Variants in WDPCP observed in about 807,000 individuals in gnomAD.
WDPCP encodes WD repeat containing planar cell polarity effector, also known as WD repeat-containing and planar cell polarity effector protein fritz homolog.
A neutral mutation model predicts 93.1 loss-of-function variants in WDPCP; 71 were observed. That is an observed-to-expected ratio of 0.76 (90% CI 0.63 to 0.93). The LOEUF is 0.93. Among genes scored for constraint, WDPCP ranks in the 40% least tolerant of loss-of-function variants. WDPCP has a pLI of 0.00. For synonymous variants in WDPCP, 315 were observed against 315.0 expected, an observed-to-expected ratio of 1.00 and a Z score of 0.00; for missense variants, 844 against 887.4, an observed-to-expected ratio of 0.95 and a Z score of 0.62.
At chr2:63,356,999 A>G (rs1049798261) in intron 12 of WDPCP, among the ~76,000 whole-genome samples, 4 of 152,228 alleles carry the variant, frequency 2.6e-5, no homozygotes, top group Non-Finnish European at 5.9e-5. Context: ...AACCTCCAAC[A>G]AAGGACAAAT....
chr2:63,259,015 C>T (rs549043692), intron 14 of WDPCP, among the ~76,000 whole-genome samples: 2 of 152,242 alleles, frequency 1.3e-5, no homozygotes, highest in East Asian at 3.9e-4. Flanking sequence ...AGTAACAGCA[C>T]TATGATAATA....
At chr2:63,232,084 G>C (rs1678952133) in intron 14 of WDPCP, among the ~76,000 whole-genome samples, 1 of 152,158 alleles carries the variant, frequency 6.6e-6, no homozygotes, top group Non-Finnish European at 1.5e-5. Context: ...ATGGGGAAAG[G>C]ATTCCCTATT....
intron 14 of WDPCP, among the ~76,000 whole-genome samples, chr2:63,218,219 G>C (rs2104461206): frequency 6.6e-6 from 1 of 152,036 alleles, no homozygotes; most frequent in South Asian, 2.1e-4. Flanking sequence ...GTGAAGGAGG[G>C]GATTATGGGG....
At position 63,531,452 on chromosome 2, in the gene WDPCP, C is replaced by T. The variant is rs191103672; in HGVS notation, c.76-38512G>A. 2.4e-3 allele frequency among the ~76,000 whole-genome samples: 365 copies of T among 152,292 alleles called. 1 individual carries two copies. The highest frequency in any genetic ancestry group is 4.0e-3 in the Non-Finnish European group (271 of 68,016). On this transcript the variant is annotated intron_variant, in intron 1 of 17. Coordinates refer to ENST00000272321, the MANE Select transcript of WDPCP (RefSeq NM_015910.7). Reference sequence around the variant, plus strand: ...GACACCTCCCAGTAGGGCTGACAGACACCTCATACAGCTGGGTGCCCCTCT... The same window carrying T: ...GACACCTCCCAGTAGGGCTGACAGATACCTCATACAGCTGGGTGCCCCTCT...
At chr2:63,678,449 C>T (rs148578362) in intron 2 of WDPCP, among the ~76,000 whole-genome samples, 233 of 152,278 alleles carry the variant, frequency 1.5e-3, no homozygotes, top group Middle Eastern at 6.8e-3. Context: ...ATCTTTCCAG[C>T]CTCTAATGCA....
At chr2:63,504,892 C>T (rs1216384875) in intron 1 of WDPCP, among the ~76,000 whole-genome samples, 3 of 151,926 alleles carry the variant, frequency 2.0e-5, no homozygotes, top group East Asian at 1.9e-4. Flanking sequence ...AGAATCTTCC[C>T]ACTATTGCTT....
chr2:63,588,138 A>T, intron 1 of WDPCP, 59 bp downstream of exon 1: 1 of 1,540,680 alleles, frequency 6.5e-7, no homozygotes, highest in Non-Finnish European at 8.8e-7. Flanking sequence ...ACGGCGCACC[A>T]ACCGCATTCC....
intron 6 of WDPCP, among the ~76,000 whole-genome samples, chr2:63,471,334 G>C (rs1041445417): frequency 6.6e-6 from 1 of 152,240 alleles, no homozygotes; most frequent in Non-Finnish European, 1.5e-5. Context: ...AGAAGGCGAA[G>C]AGCAGAAGCG....
intron 15 of WDPCP, among the ~76,000 whole-genome samples, chr2:63,164,584 G>GCT (rs1244181347): frequency 2.6e-5 from 4 of 152,130 alleles, no homozygotes; most frequent in Admixed American, 2.6e-4. Context: ...CTGAGCAGAT[G>GCT]CTAGCATCAT....
chr2:63,635,509 A>G (rs1709911684), intron 3 of WDPCP, among the ~76,000 whole-genome samples: 2 of 152,208 alleles, frequency 1.3e-5, no homozygotes, highest in Admixed American at 6.5e-5. Context: ...GCACATTAAA[A>G]GAATCAAACA....
intron 12 of WDPCP, among the ~76,000 whole-genome samples, chr2:63,358,650 T>C (rs1690204317): frequency 6.6e-6 from 1 of 152,086 alleles, no homozygotes; most frequent in Admixed American, 6.5e-5. Context: ...AGAGATGGGG[T>C]CTCACTTTGT....
intron 9 of WDPCP, among the ~76,000 whole-genome samples, chr2:63,422,413 T>C (rs1460196722): frequency 6.6e-6 from 1 of 152,112 alleles, no homozygotes; most frequent in East Asian, 1.9e-4. Context: ...AAACAAAAGC[T>C]AACAGGGCAC....
chr2:63,487,547 A>G, intron 2 of WDPCP, 53 bp from the exon 3 acceptor site: 2 of 1,349,402 alleles, frequency 1.5e-6, no homozygotes, highest in Non-Finnish European at 2.1e-6. Flanking sequence ...CCCAGAGAAT[A>G]AGAAGCCAAG....
intron 12 of WDPCP, among the ~76,000 whole-genome samples, chr2:63,329,903 T>C (rs901813115): frequency 6.6e-6 from 1 of 152,206 alleles, no homozygotes; most frequent in Admixed American, 6.5e-5. Flanking sequence ...ATTCACATTG[T>C]TGTAAGTAAC....
intron 14 of WDPCP, among the ~76,000 whole-genome samples, chr2:63,191,710 C>T (rs1675058133): frequency 6.6e-6 from 1 of 152,160 alleles, no homozygotes; most frequent in Non-Finnish European, 1.5e-5. Flanking sequence ...CTAAAGGCAT[C>T]AAACTATAGA....
intron 14 of WDPCP, among the ~76,000 whole-genome samples, chr2:63,199,868 C>G (rs1675767321): frequency 6.6e-6 from 1 of 152,158 alleles, no homozygotes; most frequent in South Asian, 2.1e-4. Flanking sequence ...CTGGAAAAAC[C>G]ACAGGCACTC....
At chr2:63,205,964 T>C (rs547225938) in intron 14 of WDPCP, among the ~76,000 whole-genome samples, 1 of 152,338 alleles carries the variant, frequency 6.6e-6, no homozygotes, top group South Asian at 2.1e-4. Context: ...TGTGGGTCTG[T>C]CATATATGGC....
the WDPCP span, among the ~76,000 whole-genome samples, chr2:63,832,868 C>G: frequency 6.4e-3 from 972 of 152,236 alleles, 13 homozygotes; most frequent in African/African-American, 0.023. Context: ...CAATTAATAA[C>G]AATAACTTGA....
At chr2:63,540,766 G>A (rs1704651901) in intron 1 of WDPCP, among the ~76,000 whole-genome samples, 1 of 151,922 alleles carries the variant, frequency 6.6e-6, no homozygotes, top group East Asian at 1.9e-4. Flanking sequence ...TTGTTTGTTT[G>A]TTTGTTTTTG....
Sources: gnomAD v4.1 joint callset for allele counts (sites outside exome capture counted in the v4.1 genomes callset) on GRCh38, gnomAD v4.1.1 for gene constraint, MANE v1.5 for transcripts, NCBI Gene and HGNC (gene_info 2026-07-23, HGNC 2026-07-21) for gene names.